The following WDPCP variants were observed in gnomAD, a reference collection of about 807,000 sequenced individuals.
WDPCP encodes the protein WD repeat containing planar cell polarity effector.
In WDPCP, 71 loss-of-function variants were observed where a neutral mutation model predicts 93.1. The ratio of observed to expected loss-of-function variants is 0.76; its 90% confidence interval spans 0.63 to 0.93. The LOEUF is 0.93. WDPCP is among the 40% of genes least tolerant of loss of function. The probability of loss-of-function intolerance (pLI) is 0.00; values close to 1 mark genes in which losing one functional copy is unlikely to be tolerated. For synonymous variants in WDPCP, 315 were observed against 315.0 expected (o/e 1.00, Z 0.00); for missense variants, 844 against 887.4 (o/e 0.95, Z 0.62).
chr2:63,415,542 G>A (rs1227166663), intron 9 of WDPCP, among the ~76,000 whole-genome samples: 2 of 152,174 alleles, frequency 1.3e-5, no homozygotes, highest in African/African-American at 4.8e-5. Context: ...TAAGGAAAGT[G>A]AGGGTCAGAG....
chr2:63,242,706 T>C (rs921841652), intron 14 of WDPCP, among the ~76,000 whole-genome samples: 7 of 152,176 alleles, frequency 4.6e-5, no homozygotes, highest in African/African-American at 1.7e-4. Flanking sequence ...GCTTTTACAG[T>C]AACTGGTGTT....
intron 2 of WDPCP, among the ~76,000 whole-genome samples, chr2:63,657,453 G>T (rs137949924): frequency 6.6e-6 from 1 of 151,992 alleles, no homozygotes; most frequent in Non-Finnish European, 1.5e-5. Context: ...TGATCTGCCC[G>T]CCTCGGCCTC....
rs192701821 is a variant in WDPCP at position 63,155,392 on chromosome 2, C to A, written c.2079-1818G>T. The stretch of plus-strand genomic sequence containing the variant: ...CAATACCATTTGTTGAAAAACTATC[C>A]TTTCTCCATTGAATTACCTTTGTAC... On this transcript the variant is annotated intron_variant, in intron 15 of 17. Transcript: ENST00000272321. Among the ~76,000 whole-genome samples the A allele has an allele frequency of 1.6e-3, 238 of 152,210 alleles. 1 individual carries two copies. The highest frequency in any genetic ancestry group is 5.1e-3 in the African/African-American group (212 of 41,518).
chr2:63,372,430 T>C (rs1433195909), intron 12 of WDPCP, among the ~76,000 whole-genome samples: 2 of 152,210 alleles, frequency 1.3e-5, no homozygotes, highest in Admixed American at 1.3e-4. Context: ...GCTTGGCATG[T>C]AGTACTCAGT....
At chr2:63,643,491 C>A (rs1273878090) in intron 3 of WDPCP, 4 of 368,356 alleles carry the variant, frequency 1.1e-5, no homozygotes, top group African/African-American at 6.4e-5. Flanking sequence ...GGTTAGCACC[C>A]CTCAGTCACC....
intron 3 of WDPCP, among the ~76,000 whole-genome samples, chr2:63,611,303 T>C (rs1267913169): frequency 6.6e-6 from 1 of 152,232 alleles, no homozygotes; most frequent in Admixed American, 6.5e-5. Context: ...TACAAGTGTA[T>C]CTGCAGGATA....
chr2:63,333,413 T>C (rs979988461), intron 12 of WDPCP, among the ~76,000 whole-genome samples: 1 of 152,172 alleles, frequency 6.6e-6, no homozygotes, highest in East Asian at 1.9e-4. Context: ...TTTCCTTCCT[T>C]CCTTTGCAGA....
intron 13 of WDPCP, among the ~76,000 whole-genome samples, chr2:63,271,594 G>A (rs553612175): frequency 9.9e-5 from 15 of 152,130 alleles, no homozygotes; most frequent in Non-Finnish European, 2.2e-4. Flanking sequence ...ATTGTGGTGC[G>A]GGGGAGGGGG....
chr2:63,561,355 G>A (rs776080182), intron 1 of WDPCP, among the ~76,000 whole-genome samples: 22 of 152,046 alleles, frequency 1.4e-4, no homozygotes, highest in East Asian at 1.2e-3. Context: ...GCACACACCC[G>A]TAGTCCCAGC....
intron 1 of WDPCP, among the ~76,000 whole-genome samples, chr2:63,521,313 G>A (rs887090877): frequency 6.6e-6 from 1 of 152,158 alleles, no homozygotes; most frequent in African/African-American, 2.4e-5. Flanking sequence ...CAAGAAACTC[G>A]TCTCACATGG....
intron 1 of WDPCP, among the ~76,000 whole-genome samples, chr2:63,509,917 T>A (rs1702120302): frequency 6.6e-6 from 1 of 151,930 alleles, no homozygotes; most frequent in Non-Finnish European, 1.5e-5. Context: ...AAAAACAAGT[T>A]CTGAAATTGA....
At chr2:63,493,086 A>G in intron 1 of WDPCP, 146 bp from the exon 2 acceptor site, 2 of 691,704 alleles carry the variant, frequency 2.9e-6, no homozygotes, top group Non-Finnish European at 2.5e-6. Context: ...ACTCTAGTGT[A>G]TCCTTGGTTA....
At chr2:63,222,253 C>A (rs1414101051) in intron 14 of WDPCP, among the ~76,000 whole-genome samples, 2 of 152,198 alleles carry the variant, frequency 1.3e-5, no homozygotes, top group Non-Finnish European at 2.9e-5. Context: ...TAGTAACAGA[C>A]ACTTTTAACA....
At chr2:63,262,086 T>G (rs1681679087) in intron 13 of WDPCP, among the ~76,000 whole-genome samples, 1 of 152,306 alleles carries the variant, frequency 6.6e-6, no homozygotes, top group East Asian at 1.9e-4. Context: ...TTGCTAATAT[T>G]TAAGATTTTT....
At chr2:63,521,868 C>T (rs1318029939) in intron 1 of WDPCP, among the ~76,000 whole-genome samples, 1 of 152,080 alleles carries the variant, frequency 6.6e-6, no homozygotes, top group Admixed American at 6.5e-5. Context: ...GAAATTATTG[C>T]TGAGAAAATC....
At chr2:63,763,135 T>TG (rs1670081807) in intron 2 of WDPCP, among the ~76,000 whole-genome samples, 1 of 152,122 alleles carries the variant, frequency 6.6e-6, no homozygotes, top group East Asian at 1.9e-4. Flanking sequence ...TTATTTGAGT[T>TG]GGGGGGTATG....
intron 3 of WDPCP, among the ~76,000 whole-genome samples, chr2:63,614,078 A>G (rs1014718642): frequency 6.6e-6 from 1 of 152,062 alleles, no homozygotes; most frequent in Non-Finnish European, 1.5e-5. Context: ...TCACTATCCC[A>G]CCACCTCCCC....
At chr2:63,482,829 C>T (rs569217612) in intron 6 of WDPCP, among the ~76,000 whole-genome samples, 1 of 151,768 alleles carries the variant, frequency 6.6e-6, no homozygotes, top group East Asian at 1.9e-4. Flanking sequence ...AAATGAAGCA[C>T]AGAATATAAC....
chr2:63,197,746 T>A (rs1474527479), intron 14 of WDPCP, among the ~76,000 whole-genome samples: 1 of 152,238 alleles, frequency 6.6e-6, no homozygotes, highest in Non-Finnish European at 1.5e-5. Flanking sequence ...TGTGTTTGAC[T>A]TGTTTCACTT....
Sources: gnomAD v4.1 joint callset for allele counts (sites outside exome capture counted in the v4.1 genomes callset) on GRCh38, gnomAD v4.1.1 for gene constraint, MANE v1.5 for transcripts, NCBI Gene and HGNC (gene_info 2026-07-23, HGNC 2026-07-21) for gene names.